The following TASP1 variants were observed in gnomAD, a reference collection of about 807,000 sequenced individuals.
The protein encoded by TASP1 is taspase 1.
A neutral mutation model predicts 56.6 loss-of-function variants in TASP1; 16 were observed. That is an observed-to-expected ratio of 0.28 (90% CI 0.19 to 0.43). The LOEUF is 0.43. Among genes scored for constraint, TASP1 ranks in the 20% least tolerant of loss-of-function variants. TASP1 has a pLI of 1.00. For synonymous variants in TASP1, 179 were observed against 184.2 expected, an observed-to-expected ratio of 0.97 and a Z score of 0.23; for missense variants, 393 against 511.6, an observed-to-expected ratio of 0.77 and a Z score of 2.24.
At chr20:13,144,425 G>T in the TASP1 span, among the ~76,000 whole-genome samples, 1 of 152,278 alleles carries the variant, frequency 6.6e-6, no homozygotes, top group East Asian at 1.9e-4. Flanking sequence ...AGATGTAGTA[G>T]CTATTACTAT....
intron 11 of TASP1, among the ~76,000 whole-genome samples, chr20:13,482,171 A>T (rs2043161430): frequency 6.6e-6 from 1 of 152,156 alleles, no homozygotes; most frequent in Non-Finnish European, 1.5e-5. Context: ...TTTGTTGAAG[A>T]GAGTTTTCCA....
the TASP1 span, among the ~76,000 whole-genome samples, chr20:13,266,744 A>G: frequency 6.6e-6 from 1 of 152,212 alleles, no homozygotes; most frequent in African/African-American, 2.4e-5. Flanking sequence ...TTCCTAAGGT[A>G]TCATTTTCAG....
intron 13 of TASP1, chr20:13,393,760 C>T (rs1244243143): frequency 1.5e-6 from 1 of 649,720 alleles, no homozygotes; most frequent in African/African-American, 1.8e-5. Context: ...CACTCAGTCC[C>T]CTACCACACT....
chr20:13,325,046 T>C, the TASP1 span, among the ~76,000 whole-genome samples: 1 of 152,216 alleles, frequency 6.6e-6, no homozygotes. Flanking sequence ...CAAATCAGAA[T>C]GTTTCTGTTT....
intron 7 of TASP1, among the ~76,000 whole-genome samples, chr20:13,564,765 C>T (rs1359647643): frequency 2.0e-5 from 3 of 151,944 alleles, no homozygotes; most frequent in Non-Finnish European, 2.9e-5. Flanking sequence ...ACTTTGGAGG[C>T]CGAGGCAGGC....
chr20:13,251,770 T>C, the TASP1 span, among the ~76,000 whole-genome samples: 4 of 152,202 alleles, frequency 2.6e-5, no homozygotes, highest in African/African-American at 9.7e-5. Context: ...TAGCATGCCA[T>C]GTTGGAGAAC....
At chr20:13,268,904 AC>A in the TASP1 span, among the ~76,000 whole-genome samples, 1 of 152,118 alleles carries the variant, frequency 6.6e-6, no homozygotes. Flanking sequence ...ACAGAGCAAG[AC>A]CCTGTCTCTA....
intron 11 of TASP1, among the ~76,000 whole-genome samples, chr20:13,482,106 G>A (rs1397434194): frequency 6.6e-6 from 1 of 152,148 alleles, no homozygotes; most frequent in African/African-American, 2.4e-5. Context: ...TATGGTGAGA[G>A]ACAGGAGTCT....
chr20:13,170,222 T>C, the TASP1 span, among the ~76,000 whole-genome samples: 1 of 152,200 alleles, frequency 6.6e-6, no homozygotes, highest in African/African-American at 2.4e-5. Flanking sequence ...TATGAGGGGA[T>C]TAACAGTGCA....
the TASP1 span, among the ~76,000 whole-genome samples, chr20:13,175,937 A>C: frequency 6.6e-6 from 1 of 152,226 alleles, no homozygotes; most frequent in South Asian, 2.1e-4. Flanking sequence ...TGTGTTAATG[A>C]TTAAAGATAT....
the TASP1 span, among the ~76,000 whole-genome samples, chr20:13,256,984 A>C: frequency 6.6e-6 from 1 of 152,166 alleles, no homozygotes; most frequent in Admixed American, 6.5e-5. Context: ...AGTGAAGAGA[A>C]AATGTAACAA....
chr20:13,504,419 T>A (rs1396687981), intron 10 of TASP1, among the ~76,000 whole-genome samples: 1 of 151,916 alleles, frequency 6.6e-6, no homozygotes, highest in Non-Finnish European at 1.5e-5. Context: ...AAAACAAACT[T>A]AAAGGAGTTC....
intron 11 of TASP1, among the ~76,000 whole-genome samples, 173 bp downstream of exon 11, chr20:13,483,054 A>G (rs1423381789): frequency 6.6e-6 from 1 of 152,176 alleles, no homozygotes; most frequent in Non-Finnish European, 1.5e-5. Context: ...TTCATGTGGT[A>G]CTATCTACTG....
chr20:13,565,501 G>A (rs369678181), intron 7 of TASP1, among the ~76,000 whole-genome samples: 2 of 152,038 alleles, frequency 1.3e-5, no homozygotes, highest in East Asian at 1.9e-4. Context: ...ATCTCAACAA[G>A]AAAAACCCTG....
chr20:13,327,447 A>G, the TASP1 span, among the ~76,000 whole-genome samples: 1 of 152,190 alleles, frequency 6.6e-6, no homozygotes, highest in African/African-American at 2.4e-5. Flanking sequence ...CAAATTAGAA[A>G]AAAAAACTAT....
intron 11 of TASP1, among the ~76,000 whole-genome samples, chr20:13,443,664 AT>A (rs1568808879): frequency 1.3e-5 from 2 of 152,248 alleles, no homozygotes; most frequent in Non-Finnish European, 2.9e-5. Flanking sequence ...AGACCCACTT[AT>A]TGTATTTGTG....
At chr20:13,152,383 T>G in the TASP1 span, among the ~76,000 whole-genome samples, 1 of 152,154 alleles carries the variant, frequency 6.6e-6, no homozygotes, top group African/African-American at 2.4e-5. Flanking sequence ...GAATTACTCA[T>G]GACACATTTG....
the TASP1 span, among the ~76,000 whole-genome samples, chr20:13,302,782 T>A: frequency 2.0e-5 from 3 of 152,288 alleles, no homozygotes; most frequent in South Asian, 2.1e-4. Context: ...GGGTGCCACA[T>A]CTGAACACAA....
chr20:13,223,156 C>CAAAA, the TASP1 span, among the ~76,000 whole-genome samples: 2 of 120,122 alleles, frequency 1.7e-5, no homozygotes, highest in African/African-American at 6.6e-5. Flanking sequence ...GACTCCGTCT[C>CAAAA]AAAAAAAAAA....
Sources: allele counts gnomAD v4.1 joint callset (sites outside exome capture counted in the v4.1 genomes callset), GRCh38; gene constraint gnomAD v4.1.1; transcripts MANE v1.5; gene names NCBI Gene and HGNC (gene_info 2026-07-23, HGNC 2026-07-21).